The following ANAPC5 variants were observed in gnomAD, a reference collection of about 807,000 sequenced individuals.
ANAPC5 encodes anaphase-promoting complex subunit 5.
A neutral mutation model predicts 91.3 loss-of-function variants in ANAPC5; 60 were observed. The ratio of observed to expected loss-of-function variants is 0.66; its 90% CI spans 0.53 to 0.81. ANAPC5 has a LOEUF of 0.81. ANAPC5 is among the 40% of genes least tolerant of loss of function. The probability of loss-of-function intolerance (pLI) is 0.00; values close to 1 mark genes in which losing one functional copy is unlikely to be tolerated. For missense variants in ANAPC5, 690 were observed against 931.5 expected, an observed-to-expected ratio of 0.74 and a Z score of 3.37; for synonymous variants, 340 against 364.1, an observed-to-expected ratio of 0.93 and a Z score of 0.75.
At chr12:121,317,227 T>C (rs1243044901) in intron 15 of ANAPC5, among the ~76,000 whole-genome samples, 3 of 152,028 alleles carry the variant, frequency 2.0e-5, no homozygotes, top group Admixed American at 6.6e-5. Context: ...TTAAAATGGT[T>C]AAAGTGGTAA....
At chr12:121,315,789 C>T (rs1168620901) in intron 15 of ANAPC5, among the ~76,000 whole-genome samples, 2 of 152,008 alleles carry the variant, frequency 1.3e-5, no homozygotes, top group African/African-American at 4.8e-5. Context: ...ATAGTATATA[C>T]AAAAATTAAC....
In ANAPC5 at chr12:121,318,512, T is replaced by A; in HGVS notation, c.1734A>T (p.Glu578Asp). 6 of 1,614,200 alleles carry A rather than the reference T, an allele frequency of 3.7e-6. No homozygotes were observed. The highest frequency in any genetic ancestry group is 5.1e-6 in the Non-Finnish European group (6 of 1,180,024). Residue 578 changes from glutamate (E) to aspartate (D), a missense_variant, in exon 14 of 17, where the codon GAA becomes GAT. Physicochemically the swap from Glu to Asp is conservative, Grantham distance 45. Coordinates refer to ENST00000261819, the MANE Select transcript of ANAPC5 (RefSeq NM_016237.5). ...LVHCQKLKNTEMVISVLLSVA... is the reference protein window; with the variant it reads ...LVHCQKLKNTDMVISVLLSVA... ...AAGAGACCCCTTACCTGATCACCAT[T>A]TCTGTGTTCTTCAGTTTCTGACAAT...
intron 16 of ANAPC5, 129 bp downstream of exon 16, chr12:121,309,572 T>C: frequency 1.8e-6 from 2 of 1,108,954 alleles, no homozygotes; most frequent in Non-Finnish European, 2.5e-6. Context: ...CATGAAATTT[T>C]AATATATATT....
chr12:121,350,680 CA>C (rs11457183), intron 1 of ANAPC5, among the ~76,000 whole-genome samples: 82 of 133,316 alleles, frequency 6.2e-4, no homozygotes, highest in Admixed American at 2.7e-3. Flanking sequence ...GACTCCGTCT[CA>C]AAAAAAAAAA....
At chr12:121,350,862 C>G (rs532617875) in intron 1 of ANAPC5, among the ~76,000 whole-genome samples, 4 of 152,176 alleles carry the variant, frequency 2.6e-5, no homozygotes, top group Admixed American at 2.0e-4. Context: ...CCATCACTCA[C>G]GTAACCATGA....
At position 121,330,551 on chromosome 12, in the gene ANAPC5, T is replaced by C. The variant is rs782005793; in HGVS notation, c.1122+32A>G. The stretch of plus-strand genomic sequence containing the variant: ...AAAGAGACAAAGGCTCGACCATTTA[T>C]GGAAACAATCTCACAGAAAGATGAG... On this transcript the variant is annotated intron_variant, in intron 9 of 16. Coordinates refer to ENST00000261819, the MANE Select transcript of ANAPC5 (RefSeq NM_016237.5). 14 of 1,586,798 alleles carry C rather than the reference T, an allele frequency of 8.8e-6. 1 individual carries two copies. The South Asian group carries it at 1.3e-4, about 15-fold the overall frequency.
rs781821840 is a variant in ANAPC5, at chr12:121,328,382, CTG to C, written c.1236_1237del (p.His412GlnfsTer76). ...GCTGATATCGATGAGCTCTGACAGG[CTG>C]TGTTTCCAGTGCAGGAGGTCGGAGT... On this transcript the variant is annotated frameshift_variant, in exon 10 of 17. Transcript: ENST00000261819. LOFTEE classifies it high-confidence loss of function. The C allele has an allele frequency of 1.4e-5, 22 of 1,613,860 alleles. No homozygotes were observed. Among genetic ancestry groups the C allele is most frequent in the Non-Finnish European group, 1.7e-5 (20 of 1,180,008 alleles).
chr12:121,310,595 C>T (rs528069945), intron 15 of ANAPC5, among the ~76,000 whole-genome samples: 1 of 151,598 alleles, frequency 6.6e-6, no homozygotes, highest in East Asian at 1.9e-4. Context: ...ACTTAACACA[C>T]AAGAAAGCAG....
At position 121,335,760 on chromosome 12, in the gene ANAPC5, T is replaced by C. The variant is rs782099164; in HGVS notation, c.760-37A>G. On this transcript the variant is annotated intron_variant, in intron 6 of 16. Coordinates refer to ENST00000261819, the MANE Select transcript of ANAPC5 (RefSeq NM_016237.5). ...AATAATCAATGTATTTTAAACGCTG[T>C]AAATATCTCTGGTGTAAGACAACTG... 16 of 1,541,518 alleles carry C rather than the reference T, an allele frequency of 1.0e-5. No individual in the cohort carries two copies. In the South Asian group the frequency reaches 1.6e-4, roughly 16 times the overall value.
intron 5 of ANAPC5, among the ~76,000 whole-genome samples, chr12:121,340,741 T>TA (rs1322406596): frequency 2.0e-5 from 3 of 150,500 alleles, no homozygotes; most frequent in Non-Finnish European, 4.5e-5. Context: ...GTGTTTTTTT[T>TA]AGCAGAAACA....
At chr12:121,340,613 T>C (rs1555274010) in intron 5 of ANAPC5, among the ~76,000 whole-genome samples, 1 of 151,416 alleles carries the variant, frequency 6.6e-6, no homozygotes, top group African/African-American at 2.4e-5. Flanking sequence ...CTTGGCTCAC[T>C]GCAACCTCCG....
upstream of ANAPC5, among the ~76,000 whole-genome samples, chr12:121,354,075 A>G (rs1593614640): frequency 7.1e-6 from 1 of 140,714 alleles, no homozygotes; most frequent in Non-Finnish European, 1.5e-5. Flanking sequence ...TACAATCTCT[A>G]CCTCCCGGGT....
chr12:121,314,484 C>A (rs1902279517), intron 15 of ANAPC5, among the ~76,000 whole-genome samples: 1 of 151,974 alleles, frequency 6.6e-6, no homozygotes, highest in Non-Finnish European at 1.5e-5. Flanking sequence ...AAATCCAATA[C>A]CTTTTCATGA....
At chr12:121,331,271 A>T in intron 8 of ANAPC5, 76 bp downstream of exon 8, 2 of 1,301,650 alleles carry the variant, frequency 1.5e-6, no homozygotes, top group Non-Finnish European at 2.2e-6. Flanking sequence ...ACTGCAAAAC[A>T]ACCCAATTCA....
At chr12:121,350,498 GGTGAAACCCC>G (rs1903840607) in intron 1 of ANAPC5, among the ~76,000 whole-genome samples, 1 of 152,076 alleles carries the variant, frequency 6.6e-6, no homozygotes, top group South Asian at 2.1e-4. Flanking sequence ...CGGCTAACAC[GGTGAAACCCC>G]GTCTCTACTA....
upstream of ANAPC5, chr12:121,352,586 T>G: frequency 2.2e-6 from 1 of 447,252 alleles, no homozygotes; most frequent in Non-Finnish European, 4.0e-6. Flanking sequence ...CTACAGAAAC[T>G]TTTGCCGAGT....
Position 121,352,196 on chromosome 12 carries a change from C to T in ANAPC5, c.145G>A (p.Glu49Lys), listed in dbSNP as rs782122962. 6.2e-7 allele frequency: 1 copy of T among 1,613,962 alleles called. No individual in the cohort carries two copies. Among genetic ancestry groups the T allele is most frequent in the Non-Finnish European group, 8.5e-7 (1 of 1,179,900 alleles). ...CGCTCCATGAGGCTGACGGCGCCCT[C>T]GCCTGTGCGGCTCATCTCGTTCAGC... ...VLLNEMSRTG[E>K]GAVSLMERRR... The change falls in exon 1 of 17, where the codon GAG becomes AAG. Residue 49 changes from glutamate (E) to lysine (K), a missense_variant. Glu to Lys is a moderately conservative substitution (Grantham distance 56). Coordinates refer to ENST00000261819, the MANE Select transcript of ANAPC5 (RefSeq NM_016237.5).
chr12:121,320,977 T>C (rs1263063885), intron 11 of ANAPC5: 1 of 151,694 alleles, frequency 6.6e-6, no homozygotes, highest in Non-Finnish European at 1.5e-5. Flanking sequence ...AGACCAGGCA[T>C]GGTGGCTAAC....
At position 121,352,361 on chromosome 12, in the gene ANAPC5, C is replaced by A. The variant is rs782424843; in HGVS notation, c.-21G>T. On this transcript the variant is annotated 5_prime_UTR_variant, in exon 1 of 17. Transcript: ENST00000261819. ...GCCATGGCGGCCCGAGACTAAGTCTCGGGCCCGCGGCGCGCTGCCGCCAGT... is the reference window on the plus strand; with the variant it reads ...GCCATGGCGGCCCGAGACTAAGTCTAGGGCCCGCGGCGCGCTGCCGCCAGT... The A allele has an allele frequency of 1.3e-6, 2 of 1,572,702 alleles. No individual in the cohort carries two copies. The highest frequency in any genetic ancestry group is 1.1e-5 in the South Asian group (1 of 88,600).
Sources: gnomAD v4.1 joint callset for allele counts (sites outside exome capture counted in the v4.1 genomes callset) on GRCh38, gnomAD v4.1.1 for gene constraint, MANE v1.5 for transcripts, NCBI Gene and HGNC (gene_info 2026-07-23, HGNC 2026-07-21) for gene names.